LEKR1: variants seen among roughly 807,000 people sequenced by gnomAD.
LEKR1 encodes the protein protein LEKR1.
A neutral mutation model predicts 72.4 loss-of-function variants in LEKR1; 59 were observed. The ratio of observed to expected loss-of-function variants is 0.82; its 90% CI spans 0.66 to 1.01. The LOEUF (loss-of-function observed/expected upper bound fraction) is 1.01. Ranked by LOEUF, LEKR1 falls within the 50% of genes least tolerant of loss-of-function variation. LEKR1 has a pLI of 0.00. For synonymous variants in LEKR1, 257 were observed against 263.2 expected (o/e 0.98, Z 0.23); for missense variants, 728 against 759.2 (o/e 0.96, Z 0.48).
intron 3 of LEKR1, among the ~76,000 whole-genome samples, chr3:156,871,915 C>A (rs555046675): frequency 6.6e-6 from 1 of 151,908 alleles, no homozygotes; most frequent in Non-Finnish European, 1.5e-5. Flanking sequence ...GTGTCCTTGT[C>A]TGGCTGTTTT....
At chr3:156,938,161 A>G (rs966397349) in intron 5 of LEKR1, among the ~76,000 whole-genome samples, 1 of 152,156 alleles carries the variant, frequency 6.6e-6, no homozygotes, top group Non-Finnish European at 1.5e-5. Flanking sequence ...ACACACACAC[A>G]CATGAGTGTG....
chr3:156,973,777 C>G (rs1729452456), intron 6 of LEKR1, among the ~76,000 whole-genome samples: 1 of 152,066 alleles, frequency 6.6e-6, no homozygotes, highest in Non-Finnish European at 1.5e-5. Context: ...GTGAGGTGCT[C>G]AGCTCCAAAA....
intron 6 of LEKR1, among the ~76,000 whole-genome samples, chr3:156,950,398 A>G (rs1727048222): frequency 6.6e-6 from 1 of 151,604 alleles, no homozygotes. Context: ...TTTGATAGGA[A>G]TAGCATTGAA....
intron 2 of LEKR1, among the ~76,000 whole-genome samples, chr3:156,838,331 A>T (rs1713430777): frequency 6.6e-6 from 1 of 152,208 alleles, no homozygotes; most frequent in South Asian, 2.1e-4. Flanking sequence ...CTCCATATAT[A>T]CAAATACGCA....
chr3:156,849,698 C>T (rs1241375225), intron 2 of LEKR1, among the ~76,000 whole-genome samples: 3 of 152,024 alleles, frequency 2.0e-5, no homozygotes, highest in Admixed American at 6.6e-5. Flanking sequence ...GAAAACTGGC[C>T]AGCCATATGT....
In LEKR1 at chr3:156,867,484, C is replaced by G. The variant is rs144338356; in HGVS notation, c.263+14502C>G. Among the ~76,000 whole-genome samples, 295 of 152,094 alleles carry G rather than the reference C, an allele frequency of 1.9e-3. 3 individuals carry two copies. The highest frequency in any genetic ancestry group is 6.6e-3 in the African/African-American group (276 of 41,534). ...GTATGAAACTCTCTGAGGCCATTCC[C>G]TTTTCAGTATTTTGTACATGTTTTT... On this transcript the variant is annotated intron_variant, in intron 3 of 12. Transcript: ENST00000356539.
intron 7 of LEKR1, among the ~76,000 whole-genome samples, chr3:156,980,736 C>T (rs565531992): frequency 1.3e-4 from 20 of 152,204 alleles, no homozygotes; most frequent in African/African-American, 4.8e-4. Context: ...TGTTAGCACA[C>T]AACTAAGCTA....
At chr3:156,929,124 G>A (rs1276857933) in intron 5 of LEKR1, among the ~76,000 whole-genome samples, 1 of 149,192 alleles carries the variant, frequency 6.7e-6, no homozygotes, top group Non-Finnish European at 1.5e-5. Context: ...TTCAAGAATT[G>A]AAAAATATGG....
chr3:156,924,554 C>T (rs117258566), intron 4 of LEKR1: 1 of 663,418 alleles, frequency 1.5e-6, no homozygotes, highest in East Asian at 2.7e-5. Context: ...GGATTTTCTC[C>T]TGTATTTTCT....
chr3:156,858,219 A>G (rs1342339256), intron 3 of LEKR1, among the ~76,000 whole-genome samples: 1 of 152,024 alleles, frequency 6.6e-6, no homozygotes, highest in African/African-American at 2.4e-5. Context: ...TTCCTTGAGT[A>G]GTTTATTTGC....
chr3:156,954,676 G>A (rs1173432493), intron 6 of LEKR1, among the ~76,000 whole-genome samples: 2 of 152,018 alleles, frequency 1.3e-5, no homozygotes, highest in Admixed American at 6.6e-5. Context: ...TAGGTGTGCT[G>A]TCTTATTTCT....
intron 3 of LEKR1, among the ~76,000 whole-genome samples, chr3:156,897,073 A>T (rs1256301446): frequency 6.6e-6 from 1 of 152,190 alleles, no homozygotes; most frequent in Non-Finnish European, 1.5e-5. Context: ...AGGAAGGAGA[A>T]GATCAAAAAA....
At chr3:156,904,432 C>A (rs1243138587) in intron 3 of LEKR1, among the ~76,000 whole-genome samples, 2 of 142,848 alleles carry the variant, frequency 1.4e-5, no homozygotes. Context: ...TTTTTTTTTA[C>A]TTTTTAAAAT....
At chr3:156,938,364 TTA>T (rs1725906943) in intron 5 of LEKR1, among the ~76,000 whole-genome samples, 1 of 152,134 alleles carries the variant, frequency 6.6e-6, no homozygotes, top group African/African-American at 2.4e-5. Context: ...TAAAAAGTTT[TTA>T]TGTTTTTTTG....
chr3:156,862,717 T>C (rs1716905701), intron 3 of LEKR1, among the ~76,000 whole-genome samples: 1 of 152,048 alleles, frequency 6.6e-6, no homozygotes, highest in Admixed American at 6.6e-5. Flanking sequence ...AGTTCTTGAG[T>C]CTAGGAAATA....
chr3:156,935,166 A>G (rs935942446), intron 5 of LEKR1, among the ~76,000 whole-genome samples: 16 of 152,160 alleles, frequency 1.1e-4, no homozygotes, highest in African/African-American at 3.9e-4. Context: ...TATATTTACC[A>G]TTATAGTATA....
intron 3 of LEKR1, among the ~76,000 whole-genome samples, chr3:156,879,982 G>A (rs2108551289): frequency 6.6e-6 from 1 of 152,306 alleles, no homozygotes; most frequent in Middle Eastern, 3.4e-3. Context: ...GGCCCTCATG[G>A]AGAACCTCTG....
intron 6 of LEKR1, among the ~76,000 whole-genome samples, chr3:156,967,716 G>A (rs1728759514): frequency 6.6e-6 from 1 of 152,182 alleles, no homozygotes. Context: ...ATATTATCCA[G>A]GAGAACTTCC....
At chr3:156,999,716 T>G (rs1310340833) in intron 9 of LEKR1, among the ~76,000 whole-genome samples, 1 of 152,200 alleles carries the variant, frequency 6.6e-6, no homozygotes, top group Admixed American at 6.5e-5. Context: ...GAGGGAGCGC[T>G]TTTTCTAATT....
Sources: gnomAD v4.1 joint callset for allele counts (sites outside exome capture counted in the v4.1 genomes callset) on GRCh38, gnomAD v4.1.1 for gene constraint, MANE v1.5 for transcripts, NCBI Gene and HGNC (gene_info 2026-07-23, HGNC 2026-07-21) for gene names.